The following TRIM51G variants were observed in gnomAD, a reference collection of about 807,000 sequenced individuals.
TRIM51G encodes the protein tripartite motif-containing 51G, also known as tripartite motif-containing protein 51G.
chr11:48,978,970 C>T, the TRIM51G span: 1,244,185 of 1,568,646 alleles, frequency 0.79, 497,245 homozygotes, highest in Non-Finnish European at 0.81. Context: ...GCTTTGCTTT[C>T]ATTGAGTTGC....
the TRIM51G span, among the ~76,000 whole-genome samples, chr11:48,976,800 G>A: frequency 6.6e-6 from 1 of 151,952 alleles, no homozygotes; most frequent in Admixed American, 6.6e-5. Context: ...TTCCTTCTGA[G>A]CATTTTTCCA....
At chr11:48,979,620 C>G in the TRIM51G span, among the ~76,000 whole-genome samples, 1 of 151,862 alleles carries the variant, frequency 6.6e-6, no homozygotes, top group Non-Finnish European at 1.5e-5. Context: ...CCTCAAACCC[C>G]CAAATAAATG....
At chr11:48,975,855 A>G in the TRIM51G span, 1 of 1,037,230 alleles carries the variant, frequency 9.6e-7, no homozygotes, top group Admixed American at 1.7e-5. Flanking sequence ...ATATGAAAAA[A>G]TCAGCCCCCC....
At chr11:48,981,208 T>G in the TRIM51G span, 1 of 1,575,834 alleles carries the variant, frequency 6.3e-7, no homozygotes, top group Non-Finnish European at 8.7e-7. Flanking sequence ...GATGGCATCA[T>G]CCAATCTCGA....
chr11:48,977,242 AC>A, the TRIM51G span: 2 of 745,062 alleles, frequency 2.7e-6, no homozygotes, highest in Non-Finnish European at 4.8e-6. Flanking sequence ...AAGAATCACC[AC>A]CTTTATTTAA....
At chr11:48,982,532 G>A in the TRIM51G span, among the ~76,000 whole-genome samples, 4 of 152,118 alleles carry the variant, frequency 2.6e-5, no homozygotes, top group African/African-American at 9.6e-5. Context: ...CTCAATGTGG[G>A]TGGACACTAT....
At chr11:48,978,145 A>AT in the TRIM51G span, 1 of 528,466 alleles carries the variant, frequency 1.9e-6, no homozygotes, top group Admixed American at 2.0e-5. Context: ...CACCTTTGTA[A>AT]TATGTCTCCA....
At chr11:48,978,322 T>C in the TRIM51G span, among the ~76,000 whole-genome samples, 3 of 152,286 alleles carry the variant, frequency 2.0e-5, no homozygotes, top group East Asian at 5.8e-4. Flanking sequence ...CAGTCTATCA[T>C]ATGTCATGAA....
chr11:48,978,523 A>C, the TRIM51G span, among the ~76,000 whole-genome samples: 13 of 152,244 alleles, frequency 8.5e-5, 1 homozygote, highest in South Asian at 1.7e-3. Context: ...CTTCTCCATC[A>C]TGCCATGTCT....
the TRIM51G span, chr11:48,976,039 A>G: frequency 2.2e-6 from 1 of 447,370 alleles, no homozygotes; most frequent in Non-Finnish European, 4.2e-6. Context: ...CATGTAATTA[A>G]CAGAAATTAG....
chr11:48,977,091 A>C, the TRIM51G span: 6 of 1,063,106 alleles, frequency 5.6e-6, no homozygotes, highest in African/African-American at 9.2e-5. Flanking sequence ...TCACCTCTGA[A>C]TCCCTTGAGC....
the TRIM51G span, chr11:48,981,766 A>G: frequency 1.4e-6 from 2 of 1,457,554 alleles, no homozygotes; most frequent in East Asian, 4.5e-5. Context: ...ACATATCACC[A>G]TATGTGATAG....
chr11:48,981,075 C>T, the TRIM51G span: 6 of 862,558 alleles, frequency 7.0e-6, no homozygotes, highest in Non-Finnish European at 1.1e-5. Context: ...TACGAAGGAC[C>T]CAAAATGAGA....
chr11:48,978,962 T>G, the TRIM51G span: 1 of 1,581,910 alleles, frequency 6.3e-7, no homozygotes, highest in Non-Finnish European at 8.7e-7. Context: ...CCATTCTGGC[T>G]TTGCTTTCAT....
At chr11:48,977,818 G>A in the TRIM51G span, among the ~76,000 whole-genome samples, 1 of 151,938 alleles carries the variant, frequency 6.6e-6, no homozygotes, top group Admixed American at 6.6e-5. Flanking sequence ...GAAGGCTTTT[G>A]AGCAATAAAA....
At chr11:48,977,440 G>C in the TRIM51G span, among the ~76,000 whole-genome samples, 6 of 152,094 alleles carry the variant, frequency 3.9e-5, no homozygotes, top group South Asian at 2.1e-4. Context: ...TTAGTCTTAA[G>C]ACTGGGAGAA....
the TRIM51G span, chr11:48,980,781 C>T: frequency 2.7e-6 from 1 of 373,674 alleles, no homozygotes; most frequent in Admixed American, 3.8e-5. Context: ...GTTTTTTTCT[C>T]AAGTGTTTTT....
the TRIM51G span, chr11:48,977,007 G>A: frequency 4.7e-4 from 297 of 635,678 alleles, 5 homozygotes; most frequent in East Asian, 8.2e-3. Flanking sequence ...AAGATTTGAC[G>A]AAGGGTAAAA....
chr11:48,982,442 T>A, the TRIM51G span, among the ~76,000 whole-genome samples: 1 of 152,112 alleles, frequency 6.6e-6, no homozygotes, highest in Non-Finnish European at 1.5e-5. Flanking sequence ...AGAATTGGTA[T>A]AGCATTATTT....
Sources: gnomAD v4.1 joint callset for allele counts (sites outside exome capture counted in the v4.1 genomes callset) on GRCh38, gnomAD v4.1.1 for gene constraint, MANE v1.5 for transcripts, NCBI Gene and HGNC (gene_info 2026-07-23, HGNC 2026-07-21) for gene names.